The following FERMT3 variants were observed in gnomAD, a reference collection of about 807,000 sequenced individuals.
FERMT3 encodes the protein FERM domain containing kindlin 3, also known as fermitin family homolog 3.
In FERMT3, 33 loss-of-function variants were observed where a neutral mutation model predicts 80.8. That is an observed-to-expected ratio of 0.41 (90% CI 0.31 to 0.55). The LOEUF is 0.55. Among genes scored for constraint, FERMT3 ranks in the 20% least tolerant of loss-of-function variants. The pLI is 0.31. For missense variants in FERMT3, 754 were observed against 908.7 expected (o/e 0.83, Z 2.19); for synonymous variants, 375 against 372.2 (o/e 1.01, Z -0.09).
intron 14 of FERMT3, 32 bp downstream of exon 14, chr11:64,223,221 G>T (rs779288691): frequency 6.2e-7 from 1 of 1,613,390 alleles, no homozygotes; most frequent in Non-Finnish European, 8.5e-7. Flanking sequence ...ATGGATGGGG[G>T]ACAGGTGCAG....
At position 64,210,918 on chromosome 11, in the gene FERMT3, G is replaced by T; in HGVS notation, c.394+74G>T. On this transcript the variant is annotated intron_variant, in intron 3 of 14. Coordinates refer to ENST00000345728, the MANE Select transcript of FERMT3 (RefSeq NM_031471.6). The surrounding 1 kb of genome is among the most constrained non-coding windows in gnomAD (Gnocchi z 4.3). Reference sequence around the variant, plus strand: ...GCAGGTTCCCCCGTTTCCAGGCCCAGCTCTGTTGACGCTGTCCTTGCTGTC... The same window carrying T: ...GCAGGTTCCCCCGTTTCCAGGCCCATCTCTGTTGACGCTGTCCTTGCTGTC... 6.2e-7 allele frequency: 1 copy of T among 1,608,954 alleles called. No homozygotes were observed. The highest frequency in any genetic ancestry group is 8.5e-7 in the Non-Finnish European group (1 of 1,178,478).
chr11:64,223,692 G>A lies in FERMT3; in HGVS notation c.*200G>A, dbSNP rs1946780300. 2 of 791,430 alleles carry A rather than the reference G, an allele frequency of 2.5e-6. No individual in the cohort carries two copies. The highest frequency in any genetic ancestry group is 1.7e-5 in the South Asian group (1 of 57,862). The allele number at this position is 791,430 out of a possible 1,614,324, so 49.0% of individuals were successfully genotyped here. A position where few individuals can be genotyped will look rare whatever the true frequency, so the allele number is the denominator to read the frequency against. On this transcript the variant is annotated 3_prime_UTR_variant, in exon 15 of 15. Coordinates refer to ENST00000345728, the MANE Select transcript of FERMT3 (RefSeq NM_031471.6). ...ATCACCCAGGCCAGGGATGGGGGTG[G>A]GGGTCCCTGAGCTCATGTGGTGCCC...
intron 6 of FERMT3, among the ~76,000 whole-genome samples, chr11:64,212,190 T>C (rs1308613062): frequency 6.6e-6 from 1 of 152,142 alleles, no homozygotes; most frequent in Non-Finnish European, 1.5e-5. Flanking sequence ...CTTTGCAGGG[T>C]GGCCCCTCTG....
chr11:64,207,551 A>G (rs780406517), intron 2 of FERMT3, 27 bp downstream of exon 2: 1 of 1,580,034 alleles, frequency 6.3e-7, no homozygotes, highest in African/African-American at 1.3e-5. Context: ...CGCTTGCTGA[A>G]CTCGGCACCA....
chr11:64,219,764 C>T lies in FERMT3; in HGVS notation c.1054C>T (p.Leu352Phe). 1.2e-6 allele frequency: 2 copies of T among 1,614,042 alleles called. No homozygotes were observed. The highest frequency in any genetic ancestry group is 1.7e-6 in the Non-Finnish European group (2 of 1,180,000). Residue 352 changes from leucine (L) to phenylalanine (F), a missense_variant, in exon 9 of 15, where the codon CTC (leucine) becomes TTC (phenylalanine). Transcript: ENST00000345728. This position sits in a 1 kb window ranked among gnomAD's most constrained non-coding sequence, Gnocchi z 4.0. Reference protein sequence around the residue: ...VLDSLTTIPELKDHLRIFRPR... With the variant: ...VLDSLTTIPEFKDHLRIFRPR... ...GGACAGCCTCACCACCATCCCAGAGCTCAAGGACCATCTCCGAATCTTTCG... is the reference window on the plus strand; with the variant it reads ...GGACAGCCTCACCACCATCCCAGAGTTCAAGGACCATCTCCGAATCTTTCG...
At chr11:64,216,891 C>T (rs982790915) in intron 6 of FERMT3, among the ~76,000 whole-genome samples, 9 of 151,864 alleles carry the variant, frequency 5.9e-5, no homozygotes, top group Admixed American at 2.6e-4. Context: ...TTCTCTTCTG[C>T]GCCCTACCTG....
rs913243115 is a variant in FERMT3 at position 64,223,833 on chromosome 11, T to G, written c.*341T>G. On this transcript the variant is annotated 3_prime_UTR_variant, in exon 15 of 15. Coordinates refer to ENST00000345728, the MANE Select transcript of FERMT3 (RefSeq NM_031471.6). The stretch of plus-strand genomic sequence containing the variant: ...ATGAAACATGGTTTCAAACGAGTTC[T>G]TTCTTGTTACTTTTTAAAATTTCTT... 1.8e-5 allele frequency: 24 copies of G among 1,364,002 alleles called. No homozygotes were observed. In the African/African-American group the frequency reaches 1.8e-4, roughly 10 times the overall value. The allele number at this position is 1,364,002 out of a possible 1,614,324, so 84.5% of individuals were successfully genotyped here.
intron 13 of FERMT3, among the ~76,000 whole-genome samples, chr11:64,222,275 A>G (rs1206393982): frequency 2.0e-5 from 3 of 149,474 alleles, no homozygotes; most frequent in Admixed American, 6.7e-5. Flanking sequence ...AAATAAATAA[A>G]TAAATAAAAG....
Position 64,221,112 on chromosome 11 carries a change from G to T in FERMT3, c.1642G>T (p.Asp548Tyr). The T allele has an allele frequency of 6.2e-7, 1 of 1,610,818 alleles. No individual in the cohort carries two copies. ...CATCCAGGCCTGGCAGTCCCTGCCC[G>T]ACTTCGGCATCTCCTATGTCATGGT... ...RFIQAWQSLP[D>Y]FGISYVMVRF... Residue 548 changes from aspartate to tyrosine, a missense_variant, in exon 13 of 15, where the codon GAC becomes TAC. Coordinates refer to ENST00000345728, the MANE Select transcript of FERMT3 (RefSeq NM_031471.6).
At chr11:64,206,193 G>A (rs575282643), upstream of FERMT3, among the ~76,000 whole-genome samples, 7 of 152,342 alleles carry the variant, frequency 4.6e-5, no homozygotes, top group African/African-American at 1.4e-4. Context: ...CACCTGGCAG[G>A]TCTGAGTTCA....
intron 2 of FERMT3, among the ~76,000 whole-genome samples, chr11:64,209,268 C>T (rs899852104): frequency 1.3e-5 from 2 of 152,200 alleles, no homozygotes; most frequent in African/African-American, 4.8e-5. Context: ...GTGTCAGCCA[C>T]TCGGCCACAG....
At chr11:64,215,872 C>T (rs2134865587) in intron 6 of FERMT3, among the ~76,000 whole-genome samples, 1 of 151,612 alleles carries the variant, frequency 6.6e-6, no homozygotes, top group Admixed American at 6.6e-5. Context: ...CTCTGTCACA[C>T]TCAGGCTGGA....
Position 64,220,020 on chromosome 11 carries a change from G to A in FERMT3, c.1204+5G>A, listed in dbSNP as rs1324595392. On this transcript the variant is annotated splice_donor_5th_base_variant and intron_variant, in intron 10 of 14. Coordinates refer to ENST00000345728, the MANE Select transcript of FERMT3 (RefSeq NM_031471.6). ...TTCAGCAGCTCAACCTCAAGGGTAA[G>A]TGCACAGGGCCAGGGGCTGGGTGGG... 1 of 1,613,502 alleles carries A rather than the reference G, an allele frequency of 6.2e-7. No homozygotes were observed. Among genetic ancestry groups the A allele is most frequent in the African/African-American group, 1.3e-5 (1 of 74,938 alleles).
At chr11:64,220,949 T>G (rs1591040874) in intron 12 of FERMT3, 67 bp from the exon 13 acceptor site, 1 of 1,583,268 alleles carries the variant, frequency 6.3e-7, no homozygotes. Context: ...GATGGGGAGG[T>G]GGGGGCTCGG....
At chr11:64,212,277 C>T (rs1025139218) in intron 6 of FERMT3, among the ~76,000 whole-genome samples, 3 of 152,230 alleles carry the variant, frequency 2.0e-5, no homozygotes, top group Non-Finnish European at 4.4e-5. Context: ...CAATGTGCTT[C>T]GCGCACATCT....
chr11:64,211,564 T>G lies in FERMT3; in HGVS notation c.684-81T>G, dbSNP rs1946440302. On this transcript the variant is annotated intron_variant, in intron 5 of 14. Transcript: ENST00000345728. This position sits in a 1 kb window ranked among gnomAD's most constrained non-coding sequence, Gnocchi z 4.7. Reference sequence around the variant, plus strand: ...TTCCAGGCCTTTTCTCTGTGTGTGCTTGTCCCCCCAGCCCAGCCCCCCTCC... The same window carrying G: ...TTCCAGGCCTTTTCTCTGTGTGTGCGTGTCCCCCCAGCCCAGCCCCCCTCC... The G allele has an allele frequency of 1.3e-6, 2 of 1,521,226 alleles. No individual in the cohort carries two copies. Among genetic ancestry groups the G allele is most frequent in the Non-Finnish European group, 1.8e-6 (2 of 1,123,580 alleles). 94.2% of individuals were successfully genotyped at this position (1,521,226 alleles called of 1,614,324 possible).
chr11:64,211,843 G>A lies in FERMT3; in HGVS notation c.786+96G>A, dbSNP rs1373635517. The A allele has an allele frequency of 8.3e-7, 1 of 1,203,568 alleles. No homozygotes were observed. Among genetic ancestry groups the A allele is most frequent in the Non-Finnish European group, 1.2e-6 (1 of 817,132 alleles). The allele number at this position is 1,203,568 out of a possible 1,614,324, so 74.6% of individuals were successfully genotyped here. On this transcript the variant is annotated intron_variant, in intron 6 of 14. Transcript: ENST00000345728. The surrounding 1 kb of genome is among the most constrained non-coding windows in gnomAD (Gnocchi z 4.7). Reference sequence around the variant, plus strand: ...CTCTGGGATGTTAGTGACTTGTAGTGGCCTGTCCGTCTGCCCGTTTGTCCA... The same window carrying A: ...CTCTGGGATGTTAGTGACTTGTAGTAGCCTGTCCGTCTGCCCGTTTGTCCA...
At chr11:64,220,847 A>G (rs1946665802) in intron 12 of FERMT3, 169 bp from the exon 13 acceptor site, 1 of 1,383,314 alleles carries the variant, frequency 7.2e-7, no homozygotes, top group South Asian at 1.2e-5. Context: ...CCAGGTGCCC[A>G]TGTCCACCTT....
chr11:64,223,781 A>G lies in FERMT3; in HGVS notation c.*289A>G, dbSNP rs957338877. 10 of 956,326 alleles carry G rather than the reference A, an allele frequency of 1.0e-5. No individual in the cohort carries two copies. Among genetic ancestry groups the G allele is most frequent in the Non-Finnish European group, 1.6e-5 (10 of 639,146 alleles). The allele number at this position is 956,326 out of a possible 1,614,324, so 59.2% of individuals were successfully genotyped here. On this transcript the variant is annotated 3_prime_UTR_variant, in exon 15 of 15. Coordinates refer to ENST00000345728, the MANE Select transcript of FERMT3 (RefSeq NM_031471.6). Reference sequence around the variant, plus strand: ...CCTATCTGCAGTCCCCCAGCACACAAGGAAGACCAGATGTAGCTACAGGAT... The same window carrying G: ...CCTATCTGCAGTCCCCCAGCACACAGGGAAGACCAGATGTAGCTACAGGAT...
Sources: gnomAD v4.1 joint callset for allele counts (sites outside exome capture counted in the v4.1 genomes callset) on GRCh38, gnomAD v4.1.1 for gene constraint, Gnocchi (gnomAD v3.1) non-coding constraint, MANE v1.5 for transcripts, NCBI Gene and HGNC (gene_info 2026-07-23, HGNC 2026-07-21) for gene names.